The following ZNF12 variants were observed in gnomAD, a reference collection of about 807,000 sequenced individuals.
ZNF12 encodes the protein zinc finger protein 12.
ZNF12 carries 34 observed loss-of-function variants against 66.6 expected under a neutral mutation model. That is an observed-to-expected ratio of 0.51 (90% CI 0.39 to 0.68). The LOEUF (loss-of-function observed/expected upper bound fraction) is 0.68, where lower values mean the gene tolerates loss of function less well. ZNF12 is among the 30% of genes least tolerant of loss of function. The pLI is 0.00. For missense variants in ZNF12, 697 were observed against 826.9 expected (o/e 0.84, Z 1.93); for synonymous variants, 320 against 278.9 (o/e 1.15, Z -1.47).
At chr7:6,700,182 G>T (rs113035406) in intron 2 of ZNF12, among the ~76,000 whole-genome samples, 1 of 151,720 alleles carries the variant, frequency 6.6e-6, no homozygotes, top group Admixed American at 6.6e-5. Flanking sequence ...CTACTCGGGA[G>T]GCTGAGGCAG....
rs1269994075 is a variant in ZNF12, at chr7:6,705,585, G to A, written c.-50-362C>T. On this transcript the variant is annotated intron_variant, in intron 1 of 4. Transcript: ENST00000405858. This position sits in a 1 kb window ranked among gnomAD's most constrained non-coding sequence, Gnocchi z 4.0. Reference sequence around the variant, plus strand: ...AATACAAAAATTAGCTGGGCGTGGTGGCGGGCGCCTGTAACCCCAGCTACT... The same window carrying A: ...AATACAAAAATTAGCTGGGCGTGGTAGCGGGCGCCTGTAACCCCAGCTACT... 2.0e-5 allele frequency among the ~76,000 whole-genome samples: 3 copies of A among 152,148 alleles called. No homozygotes were observed. Among genetic ancestry groups the A allele is most frequent in the African/African-American group, 7.2e-5 (3 of 41,438 alleles).
In ZNF12 at chr7:6,698,144, T is replaced by C; in HGVS notation, c.16-333A>G. 2.0e-6 allele frequency: 1 copy of C among 496,262 alleles called. No individual in the cohort carries two copies. Among genetic ancestry groups the C allele is most frequent in the South Asian group, 1.6e-5 (1 of 62,018 alleles). 30.7% of individuals were successfully genotyped at this position (496,262 alleles called of 1,614,324 possible). On this transcript the variant is annotated intron_variant, in intron 2 of 4. Transcript: ENST00000405858. The surrounding 1 kb of genome is among the most constrained non-coding windows in gnomAD (Gnocchi z 4.4). Reference sequence around the variant, plus strand: ...ACACTCACAGAACCCCAGGATGCACTCTGCTTCTTTGCACATTCTTCAATT... The same window carrying C: ...ACACTCACAGAACCCCAGGATGCACCCTGCTTCTTTGCACATTCTTCAATT...
intron 1 of ZNF12, 151 bp downstream of exon 1, chr7:6,706,281 C>G (rs1228932197): frequency 2.5e-6 from 1 of 407,284 alleles, no homozygotes; most frequent in Non-Finnish European, 5.0e-6. Context: ...CCCCGTAAGC[C>G]TCGTCCTCGC....
chr7:6,706,010 G>T (rs1780349835), intron 1 of ZNF12, among the ~76,000 whole-genome samples: 1 of 152,104 alleles, frequency 6.6e-6, no homozygotes, highest in African/African-American at 2.4e-5. Flanking sequence ...CAAAACCTCG[G>T]ACAAGTCACC....
At position 6,706,802 on chromosome 7, in the gene ZNF12, GC is replaced by G; in HGVS notation, c.-422del. The G allele has an allele frequency of 3.4e-6, 1 of 290,914 alleles. No homozygotes were observed. The allele number at this position is 290,914 out of a possible 1,614,324, so 18.0% of individuals were successfully genotyped here. On this transcript the variant is annotated 5_prime_UTR_variant, in exon 1 of 5. Transcript: ENST00000405858. ...GGATCCCCGCTTGAGCCTCCGCCTG[GC>G]CCGCACAGCCCCGCGCCCGCTTGGG...
chr7:6,692,799 G>A lies in ZNF12; in HGVS notation c.239-96C>T. 1 of 1,193,716 alleles carries A rather than the reference G, an allele frequency of 8.4e-7. No homozygotes were observed. Among genetic ancestry groups the A allele is most frequent in the Non-Finnish European group, 1.2e-6 (1 of 863,818 alleles). The allele number at this position is 1,193,716 out of a possible 1,614,324, so 73.9% of individuals were successfully genotyped here. A position where few individuals can be genotyped will look rare whatever the true frequency, so the allele number is the denominator to read the frequency against. ...GATTTGTACACACGCATCTCATTGT[G>A]AGTAGATGCTAGCTTCATGAACAGA... On this transcript the variant is annotated intron_variant, in intron 4 of 4. Transcript: ENST00000405858. This position sits in a 1 kb window ranked among gnomAD's most constrained non-coding sequence, Gnocchi z 5.1.
In ZNF12 at chr7:6,691,244, T is replaced by G. The variant is rs1166213941; in HGVS notation, c.1698A>C (p.Ile566=). Residue 566 remains isoleucine, a synonymous_variant, in exon 5 of 5, where the codon ATA becomes ATC. Transcript: ENST00000405858. ...KFFSQMSYLT[I]HHRIHSGEKP... is the part of the protein sequence containing the mutation. ...TCTCTCCTGAATGAATTCTATGATGTATAGTGAGGTATGACATCTGAGAGA... is the reference window on the plus strand; with the variant it reads ...TCTCTCCTGAATGAATTCTATGATGGATAGTGAGGTATGACATCTGAGAGA... The G allele has an allele frequency of 2.5e-6, 4 of 1,613,752 alleles. No individual in the cohort carries two copies. Among genetic ancestry groups the G allele is most frequent in the Non-Finnish European group, 3.4e-6 (4 of 1,179,956 alleles).
In ZNF12 at chr7:6,705,449, T is replaced by C. The variant is rs1780338743; in HGVS notation, c.-50-226A>G. ...GACTGAGTGGATGAGATTCTCATGGTGAATGAATACTGGATCCTACTGAAA... is the reference window on the plus strand; with the variant it reads ...GACTGAGTGGATGAGATTCTCATGGCGAATGAATACTGGATCCTACTGAAA... On this transcript the variant is annotated intron_variant, in intron 1 of 4. Coordinates refer to ENST00000405858, the MANE Select transcript of ZNF12 (RefSeq NM_016265.4). The surrounding 1 kb of genome is among the most constrained non-coding windows in gnomAD (Gnocchi z 4.0). 1.3e-5 allele frequency among the ~76,000 whole-genome samples: 2 copies of C among 152,248 alleles called. No homozygotes were observed. Among genetic ancestry groups the C allele is most frequent in the South Asian group, 4.1e-4 (2 of 4,834 alleles).
chr7:6,703,039 T>C (rs1021059544), intron 2 of ZNF12, among the ~76,000 whole-genome samples: 3 of 133,616 alleles, frequency 2.2e-5, no homozygotes, highest in African/African-American at 8.4e-5. Flanking sequence ...GCTCCCAAAC[T>C]ACACACACAC....
rs761888114 is a variant in ZNF12, at chr7:6,697,407, A to C, written c.170T>G (p.Ile57Ser). The C allele has an allele frequency of 6.2e-7, 1 of 1,612,664 alleles. No homozygotes were observed. The highest frequency in any genetic ancestry group is 8.5e-7 in the Non-Finnish European group (1 of 1,179,410). ...VGYHIIKPDV[I>S]SKLEQGEEPW... Reference sequence around the variant, plus strand: ...CTCTTCTCCTTGCTCCAACTTGCTGATAACATCCGGTTTGATAATGTGATA... The same window carrying C: ...CTCTTCTCCTTGCTCCAACTTGCTGCTAACATCCGGTTTGATAATGTGATA... Residue 57 changes from isoleucine (I) to serine (S), a missense_variant, in exon 4 of 5, where the codon ATC (isoleucine) becomes AGC (serine). Around this residue, in one of 3 missense-constraint regions of ZNF12, gnomAD observed 55 missense variants for 83.9 expected, o/e 0.66. Coordinates refer to ENST00000405858, the MANE Select transcript of ZNF12 (RefSeq NM_016265.4). The surrounding 1 kb of genome is among the most constrained non-coding windows in gnomAD (Gnocchi z 6.1).
chr7:6,691,013 A>G lies in ZNF12; in HGVS notation c.1929T>C (p.Ser643=). The G allele has an allele frequency of 6.2e-7, 1 of 1,614,032 alleles. No homozygotes were observed. Among genetic ancestry groups the G allele is most frequent in the Non-Finnish European group, 8.5e-7 (1 of 1,179,984 alleles). ...FECNECGKAF[S]RMSYLTVHYR... is the part of the protein sequence containing the mutation. Reference sequence around the variant, plus strand: ...AATGTACAGTGAGGTATGACATCCGAGAGAAGGCTTTTCCACACTCATTAC... The same window carrying G: ...AATGTACAGTGAGGTATGACATCCGGGAGAAGGCTTTTCCACACTCATTAC... The change falls in exon 5 of 5, where the codon TCT becomes TCC. Residue 643 remains serine (S), a synonymous_variant. Transcript: ENST00000405858.
Position 6,705,650 on chromosome 7 carries a change from C to T in ZNF12, c.-50-427G>A, listed in dbSNP as rs905201754. ...AGGAGAATCGCTTGAACCCGGGAGG[C>T]GGAGGTTGCAGTGAGCTGGGATGGC... On this transcript the variant is annotated intron_variant, in intron 1 of 4. Coordinates refer to ENST00000405858, the MANE Select transcript of ZNF12 (RefSeq NM_016265.4). The surrounding 1 kb of genome is among the most constrained non-coding windows in gnomAD (Gnocchi z 4.0). Among the ~76,000 whole-genome samples, 1 of 151,480 alleles carries T rather than the reference C, an allele frequency of 6.6e-6. No individual in the cohort carries two copies. Among genetic ancestry groups the T allele is most frequent in the African/African-American group, 2.4e-5 (1 of 41,156 alleles).
chr7:6,700,113 G>A (rs1224639486), intron 2 of ZNF12, among the ~76,000 whole-genome samples: 2 of 151,210 alleles, frequency 1.3e-5, no homozygotes, highest in East Asian at 2.0e-4. Flanking sequence ...GTGAAACCCC[G>A]TCTCTACTAA....
In ZNF12 at chr7:6,696,566, A is replaced by C. The variant is rs564129359; in HGVS notation, c.238+773T>G. ...ACTGGAGGCACCCTTTGAGAAACTCATAATGCGAGGAAATCACAGTAGGTA... is the reference window on the plus strand; with the variant it reads ...ACTGGAGGCACCCTTTGAGAAACTCCTAATGCGAGGAAATCACAGTAGGTA... On this transcript the variant is annotated intron_variant, in intron 4 of 4. Coordinates refer to ENST00000405858, the MANE Select transcript of ZNF12 (RefSeq NM_016265.4). The surrounding 1 kb of genome is among the most constrained non-coding windows in gnomAD (Gnocchi z 4.0). 6.6e-6 allele frequency among the ~76,000 whole-genome samples: 1 copy of C among 152,218 alleles called. No homozygotes were observed. Among genetic ancestry groups the C allele is most frequent in the Non-Finnish European group, 1.5e-5 (1 of 68,040 alleles).
chr7:6,690,883 T>G lies in ZNF12; in HGVS notation c.2059A>C (p.Asn687His). The stretch of plus-strand genomic sequence containing the variant: ...CTTCCCACATCTATTACATTCATAT[T>G]GCCTCTCCTATGAATTCTCTGATGG... The part of the protein sequence containing the change: ...NSHQRIHRRG[N>H]MNVIDVGRLL The change falls in exon 5 of 5, where the codon AAT (asparagine) becomes CAT (histidine). Residue 687 changes from asparagine (N) to histidine (H), a missense_variant. Coordinates refer to ENST00000405858, the MANE Select transcript of ZNF12 (RefSeq NM_016265.4). The G allele has an allele frequency of 6.2e-7, 1 of 1,613,604 alleles. No individual in the cohort carries two copies. The highest frequency in any genetic ancestry group is 8.5e-7 in the Non-Finnish European group (1 of 1,179,724).
chr7:6,701,759 G>C (rs566436283), intron 2 of ZNF12, among the ~76,000 whole-genome samples: 9 of 151,964 alleles, frequency 5.9e-5, no homozygotes, highest in African/African-American at 2.2e-4. Flanking sequence ...TTGCATCTCT[G>C]TCCCCTCTGG....
In ZNF12 at chr7:6,697,285, C is replaced by G. The variant is rs1780168137; in HGVS notation, c.238+54G>C. The G allele has an allele frequency of 3.5e-5, 50 of 1,417,148 alleles. No homozygotes were observed. The highest frequency in any genetic ancestry group is 4.9e-5 in the Non-Finnish European group (50 of 1,026,228). The allele number at this position is 1,417,148 out of a possible 1,614,324, so 87.8% of individuals were successfully genotyped here. On this transcript the variant is annotated intron_variant, in intron 4 of 4. Coordinates refer to ENST00000405858, the MANE Select transcript of ZNF12 (RefSeq NM_016265.4). The surrounding 1 kb of genome is among the most constrained non-coding windows in gnomAD (Gnocchi z 6.1). ...AAAGGTTCGGGACCATTAAAAAATC[C>G]CTGGGAAAAACACTCCCAAGTTACC...
chr7:6,705,680 T>C lies in ZNF12; in HGVS notation c.-50-457A>G, dbSNP rs547743021. 2.0e-4 allele frequency among the ~76,000 whole-genome samples: 30 copies of C among 150,962 alleles called. No individual in the cohort carries two copies. The highest frequency in any genetic ancestry group is 1.2e-3 in the East Asian group (6 of 5,170). ...GTTGCAGTGAGCTGGGATGGCACCA[T>C]TGCACTCCAGCCTGGGCAACAAAGC... On this transcript the variant is annotated intron_variant, in intron 1 of 4. Transcript: ENST00000405858. The surrounding 1 kb of genome is among the most constrained non-coding windows in gnomAD (Gnocchi z 4.0).
rs751948537 is a variant in ZNF12 at position 6,706,587 on chromosome 7, C to A, written c.-206G>T. The A allele has an allele frequency of 5.0e-5, 23 of 457,862 alleles. No homozygotes were observed. Among genetic ancestry groups the A allele is most frequent in the South Asian group, 9.3e-5 (6 of 64,686 alleles). The allele number at this position is 457,862 out of a possible 1,614,324, so 28.4% of individuals were successfully genotyped here. ...CCCGGGCCGGGCCTACGGGACAAATCCAGGCGGGGCGTCCCTCCCGGAGCC... is the reference window on the plus strand; with the variant it reads ...CCCGGGCCGGGCCTACGGGACAAATACAGGCGGGGCGTCCCTCCCGGAGCC... On this transcript the variant is annotated 5_prime_UTR_variant, in exon 1 of 5. Transcript: ENST00000405858.
Sources: allele counts gnomAD v4.1 joint callset (sites outside exome capture counted in the v4.1 genomes callset), GRCh38; gene constraint gnomAD v4.1.1; regional missense constraint gnomAD v4.1.1; non-coding constraint Gnocchi (gnomAD v3.1); transcripts MANE v1.5; gene names NCBI Gene and HGNC (gene_info 2026-07-23, HGNC 2026-07-21).